Variants in USP34 observed in about 807,000 individuals in gnomAD.
The protein encoded by USP34 is ubiquitin carboxyl-terminal hydrolase 34.
USP34 carries 70 observed loss-of-function variants against 460.3 expected under a neutral mutation model. That is an observed-to-expected ratio of 0.15 (90% CI 0.13 to 0.19). USP34 has a LOEUF of 0.19. Ranked by LOEUF, USP34 falls within the 10% of genes least tolerant of loss-of-function variation. The probability of loss-of-function intolerance (pLI) is 1.00; values close to 1 mark genes in which losing one functional copy is unlikely to be tolerated. For missense variants in USP34, 3,985 were observed against 4,236.2 expected (o/e 0.94, Z 1.65); for synonymous variants, 1,647 against 1,405.3 (o/e 1.17, Z -3.85).
intron 1 of USP34, among the ~76,000 whole-genome samples, chr2:61,446,001 C>T (rs1342129178): frequency 4.7e-5 from 7 of 150,394 alleles, no homozygotes; most frequent in Non-Finnish European, 8.9e-5. Flanking sequence ...TAATCCCAGC[C>T]ACTCAGGAGG....
rs766015931 is a variant in USP34, at chr2:61,246,309, A to G, written c.6548+15T>C. On this transcript the variant is annotated intron_variant, in intron 50 of 79. Coordinates refer to ENST00000398571, the MANE Select transcript of USP34 (RefSeq NM_014709.4). ...CATAAATTGTTAAAGAAGTTTTGAA[A>G]TATTTAAAACTCACCATTTATTGTT... 2.0e-6 allele frequency: 3 copies of G among 1,509,454 alleles called. No homozygotes were observed. Among genetic ancestry groups the G allele is most frequent in the South Asian group, 2.6e-5 (2 of 75,832 alleles). 93.5% of individuals were successfully genotyped at this position (1,509,454 alleles called of 1,614,324 possible).
At chr2:61,447,285 A>T (rs1695149223) in intron 1 of USP34, among the ~76,000 whole-genome samples, 1 of 146,908 alleles carries the variant, frequency 6.8e-6, no homozygotes, top group African/African-American at 2.5e-5. Flanking sequence ...AAAAAAAACC[A>T]GAAAACATAT....
At chr2:61,404,605 G>A (rs1248218016) in intron 3 of USP34, among the ~76,000 whole-genome samples, 3 of 152,108 alleles carry the variant, frequency 2.0e-5, no homozygotes, top group African/African-American at 4.8e-5. Flanking sequence ...AAGCCATGTG[G>A]AGAAAATACA....
chr2:61,370,572 C>T lies in USP34; in HGVS notation c.1084G>A (p.Ala362Thr). The T allele has an allele frequency of 2.5e-6, 4 of 1,613,338 alleles. No homozygotes were observed. Among genetic ancestry groups the T allele is most frequent in the Non-Finnish European group, 3.4e-6 (4 of 1,179,842 alleles). The change falls in exon 9 of 80, where the codon GCA (alanine) becomes ACA (threonine). Residue 362 changes from alanine to threonine, a missense_variant. Transcript: ENST00000398571. ...SLVSDTETSI[A>T]KELADWLISN... ...ATAAGCCAGTCTGCAAGTTCTTTTG[C>T]AATGGACCTAAAGTCAAGCAATGAA...
At chr2:61,386,770 C>G (rs190059115) in intron 5 of USP34, among the ~76,000 whole-genome samples, 12 of 152,148 alleles carry the variant, frequency 7.9e-5, no homozygotes, top group African/African-American at 2.9e-4. Context: ...AGCCTGGCAA[C>G]AGAGCGAGAC....
intron 49 of USP34, 53 bp from the exon 50 acceptor site, chr2:61,246,530 C>T: frequency 8.5e-7 from 1 of 1,173,566 alleles, no homozygotes; most frequent in East Asian, 2.9e-5. Flanking sequence ...ACAACAGTTA[C>T]TTAGAAACAC....
chr2:61,265,239 T>C (rs1215857499), intron 43 of USP34, 158 bp downstream of exon 43: 5 of 778,402 alleles, frequency 6.4e-6, no homozygotes, highest in Admixed American at 5.9e-5. Flanking sequence ...CTAAAATGTA[T>C]AACTATGTAA....
chr2:61,420,937 A>G, intron 1 of USP34, 104 bp from the exon 2 acceptor site: 1 of 726,946 alleles, frequency 1.4e-6, no homozygotes, highest in Admixed American at 3.2e-5. Context: ...CATTTCAGAT[A>G]ATCATTCTTT....
intron 51 of USP34, among the ~76,000 whole-genome samples, chr2:61,242,432 G>A (rs944185024): frequency 7.3e-6 from 1 of 136,398 alleles, no homozygotes; most frequent in Non-Finnish European, 1.6e-5. Context: ...GTCAGAAAAA[G>A]GTAAGAGTCA....
intron 1 of USP34, among the ~76,000 whole-genome samples, chr2:61,425,958 C>G (rs956092784): frequency 6.6e-6 from 1 of 151,772 alleles, no homozygotes; most frequent in Non-Finnish European, 1.5e-5. Context: ...GACAGGGCAC[C>G]GCTCAGAGTC....
intron 28 of USP34, 86 bp downstream of exon 28, chr2:61,301,266 AAG>A: frequency 6.6e-7 from 1 of 1,516,162 alleles, no homozygotes; most frequent in Non-Finnish European, 9.0e-7. Flanking sequence ...ACAAAGCAAT[AAG>A]AGCTGTTTTT....
At chr2:61,270,256 G>C (rs1572888594) in intron 41 of USP34, among the ~76,000 whole-genome samples, 4 of 152,140 alleles carry the variant, frequency 2.6e-5, no homozygotes, top group African/African-American at 4.8e-5. Flanking sequence ...CATCATCTAA[G>C]GGCTTCATGA....
At chr2:61,367,371 T>C (rs1353722806) in intron 10 of USP34, among the ~76,000 whole-genome samples, 7 of 152,176 alleles carry the variant, frequency 4.6e-5, no homozygotes, top group Non-Finnish European at 1.5e-5. Flanking sequence ...CTCGTGTCTG[T>C]AGTTTCAGCT....
At chr2:61,192,866 T>C in intron 76 of USP34, 35 bp downstream of exon 76, 2 of 1,576,970 alleles carry the variant, frequency 1.3e-6, no homozygotes, top group Non-Finnish European at 1.7e-6. Flanking sequence ...TCAGATAAGA[T>C]TAAAGACCAA....
chr2:61,217,878 C>G (rs1189314343), intron 67 of USP34, among the ~76,000 whole-genome samples: 1 of 152,086 alleles, frequency 6.6e-6, no homozygotes, highest in African/African-American at 2.4e-5. Context: ...CTGCTTGAAC[C>G]CGGGAGGCGG....
chr2:61,339,527 T>C, intron 17 of USP34, 39 bp downstream of exon 17: 3 of 1,563,434 alleles, frequency 1.9e-6, no homozygotes, highest in Non-Finnish European at 2.6e-6. Flanking sequence ...TGCATCTTGC[T>C]GAAATTTCTT....
At chr2:61,401,637 C>T (rs2103922540) in intron 3 of USP34, among the ~76,000 whole-genome samples, 1 of 148,600 alleles carries the variant, frequency 6.7e-6, no homozygotes, top group South Asian at 2.2e-4. Context: ...CAAGCTCCGC[C>T]TCCTGGGTTC....
At chr2:61,227,524 G>A (rs1433810379) in intron 61 of USP34, among the ~76,000 whole-genome samples, 3 of 151,878 alleles carry the variant, frequency 2.0e-5, no homozygotes, top group Admixed American at 2.0e-4. Context: ...CAGCCTGGCC[G>A]ACATGGTGAA....
intron 69 of USP34, among the ~76,000 whole-genome samples, chr2:61,211,027 A>G (rs1258597467): frequency 6.6e-6 from 1 of 152,222 alleles, no homozygotes; most frequent in Non-Finnish European, 1.5e-5. Context: ...CAATCCCTTT[A>G]AGAAATCCGG....
Sources: gnomAD v4.1 joint callset for allele counts (sites outside exome capture counted in the v4.1 genomes callset) on GRCh38, gnomAD v4.1.1 for gene constraint, MANE v1.5 for transcripts, NCBI Gene and HGNC (gene_info 2026-07-23, HGNC 2026-07-21) for gene names.